CCDC38: variants seen among roughly 807,000 people sequenced by gnomAD.
CCDC38 encodes the protein coiled-coil domain-containing protein 38.
A neutral mutation model predicts 72.8 loss-of-function variants in CCDC38; 69 were observed. The ratio of observed to expected loss-of-function variants is 0.95; its 90% CI spans 0.78 to 1.16. The LOEUF (loss-of-function observed/expected upper bound fraction) is 1.16, where lower values mean the gene tolerates loss of function less well. Among genes scored for constraint, CCDC38 ranks in the 50% most tolerant of loss-of-function variants. The pLI, the probability that CCDC38 is intolerant of heterozygous loss-of-function variation, is 0.00. For missense variants in CCDC38, 626 were observed against 638.9 expected (o/e 0.98, Z 0.22); for synonymous variants, 201 against 213.2 (o/e 0.94, Z 0.50).
At chr12:95,869,317 A>G (rs1256094684) in intron 15 of CCDC38, among the ~76,000 whole-genome samples, 163 bp downstream of exon 15, 2 of 152,036 alleles carry the variant, frequency 1.3e-5, no homozygotes, top group African/African-American at 4.8e-5. Context: ...ACTAATTTGA[A>G]TTATTCTAAA....
intron 14 of CCDC38, among the ~76,000 whole-genome samples, chr12:95,870,414 AATG>A (rs2079568846): frequency 6.6e-6 from 1 of 152,348 alleles, no homozygotes; most frequent in African/African-American, 2.4e-5. Flanking sequence ...GGACCTATTT[AATG>A]ATATTCTAAG....
At chr12:95,916,419 T>TCC (rs58681467) in intron 4 of CCDC38, among the ~76,000 whole-genome samples, 69 of 149,186 alleles carry the variant, frequency 4.6e-4, no homozygotes, top group Admixed American at 8.0e-4. Context: ...CTTCCTTCCT[T>TCC]TTTTCCCTTC....
At chr12:95,869,804 T>C (rs2079560804) in intron 14 of CCDC38, 1 of 438,240 alleles carries the variant, frequency 2.3e-6, no homozygotes. Context: ...ATATAAAATA[T>C]ACCCAGATCT....
intron 2 of CCDC38, among the ~76,000 whole-genome samples, chr12:95,925,334 C>A (rs1289769063): frequency 6.6e-6 from 1 of 152,066 alleles, no homozygotes; most frequent in Non-Finnish European, 1.5e-5. Context: ...TGATTTGGTC[C>A]TCTGTTTGTC....
chr12:95,923,840 A>G (rs1355722757), intron 2 of CCDC38, among the ~76,000 whole-genome samples: 3 of 130,970 alleles, frequency 2.3e-5, no homozygotes, highest in Admixed American at 8.1e-5. Context: ...ATGATTTCCA[A>G]TTTCATCCAT....
chr12:95,920,986 G>A (rs1327820907), intron 2 of CCDC38, among the ~76,000 whole-genome samples: 2 of 151,938 alleles, frequency 1.3e-5, no homozygotes, highest in Non-Finnish European at 2.9e-5. Context: ...AAATTAGCCG[G>A]GTGTGGTGGT....
rs370671877 is a variant in CCDC38 at position 95,878,247 on chromosome 12, C to G, written c.1242G>C (p.Lys414Asn). Residue 414 changes from lysine to asparagine, a missense_variant, in exon 13 of 16, where the codon AAG becomes AAC. Transcript: ENST00000344280. ...AATTAAATTCTCCAAAGCTAAAGAG[C>G]TTGGACTTTAATTGCAATTCTGCTG... Reference protein sequence around the residue: ...EKAAELQLKSKLFSFGEFNSD... With the variant: ...EKAAELQLKSNLFSFGEFNSD... 1 of 1,613,414 alleles carries G rather than the reference C, an allele frequency of 6.2e-7. No individual in the cohort carries two copies. The highest frequency in any genetic ancestry group is 1.3e-5 in the African/African-American group (1 of 74,896).
At chr12:95,880,843 G>T (rs1249745792) in intron 11 of CCDC38, among the ~76,000 whole-genome samples, 1 of 152,086 alleles carries the variant, frequency 6.6e-6, no homozygotes, top group Non-Finnish European at 1.5e-5. Context: ...GCTATGGGAG[G>T]GAGAAAAGAG....
chr12:95,890,789 C>A (rs1267910501), intron 9 of CCDC38, 43 bp downstream of exon 9: 2 of 1,215,498 alleles, frequency 1.6e-6, no homozygotes, highest in Non-Finnish European at 1.2e-6. Context: ...GAGATGGACA[C>A]ATTCGCAGGT....
chr12:95,892,902 T>C (rs551483433), intron 8 of CCDC38, among the ~76,000 whole-genome samples: 1 of 152,242 alleles, frequency 6.6e-6, no homozygotes, highest in South Asian at 2.1e-4. Context: ...GTGGGACCCA[T>C]ATCTGGTCCG....
intron 10 of CCDC38, chr12:95,885,537 TG>T (rs886577579): frequency 1.8e-5 from 3 of 169,494 alleles, no homozygotes; most frequent in Admixed American, 6.3e-5. Context: ...AAAGAAATGA[TG>T]TTGCTATATT....
Position 95,895,025 on chromosome 12 carries a change from T to C in CCDC38, c.736A>G (p.Ser246Gly). Residue 246 changes from serine (S) to glycine (G), a missense_variant, in exon 8 of 16, where the codon AGT becomes GGT. By Grantham distance (56) the Ser-to-Gly change is moderately conservative. Coordinates refer to ENST00000344280, the MANE Select transcript of CCDC38 (RefSeq NM_182496.3). ...QALKRAQASK[S>G]KANIILPKIL... ...TTTGGAAGGATGATATTTGCTTTAC[T>C]TTTTGATGCCTGTGCTCTTTTTAGT... 5 of 1,610,158 alleles carry C rather than the reference T, an allele frequency of 3.1e-6. No homozygotes were observed. The highest frequency in any genetic ancestry group is 4.2e-6 in the Non-Finnish European group (5 of 1,178,804).
intron 4 of CCDC38, among the ~76,000 whole-genome samples, chr12:95,911,696 A>C (rs2080096283): frequency 6.6e-6 from 1 of 152,226 alleles, no homozygotes; most frequent in Non-Finnish European, 1.5e-5. Context: ...AATGGCTATT[A>C]TTAAAAAGTC....
At chr12:95,885,353 A>G (rs1217334354) in intron 10 of CCDC38, 4 of 156,368 alleles carry the variant, frequency 2.6e-5, no homozygotes, top group African/African-American at 4.8e-5. Flanking sequence ...AATAGTTTCA[A>G]TGTGTTCTGA....
intron 2 of CCDC38, among the ~76,000 whole-genome samples, chr12:95,922,926 G>A (rs188869251): frequency 8.5e-5 from 13 of 152,262 alleles, no homozygotes; most frequent in African/African-American, 3.1e-4. Flanking sequence ...GTTATTTCTG[G>A]TTGTGTCTGT....
chr12:95,905,581 T>A lies in CCDC38; in HGVS notation c.369+806A>T, dbSNP rs1011939982. Among the ~76,000 whole-genome samples the A allele has an allele frequency of 2.0e-5, 3 of 152,206 alleles. No homozygotes were observed. The East Asian group carries it at 5.8e-4, about 29-fold the overall frequency. ...TGGAAGTACTAACTAACTAAATTTA[T>A]GCCCCAAAATGTGTGATGTGAAATT... On this transcript the variant is annotated intron_variant, in intron 5 of 15. Coordinates refer to ENST00000344280, the MANE Select transcript of CCDC38 (RefSeq NM_182496.3).
chr12:95,879,982 G>T lies in CCDC38; in HGVS notation c.991-187C>A, dbSNP rs887158257. 2 of 439,192 alleles carry T rather than the reference G, an allele frequency of 4.6e-6. No homozygotes were observed. The highest frequency in any genetic ancestry group is 2.0e-5 in the African/African-American group (1 of 51,060). The allele number at this position is 439,192 out of a possible 1,614,324, so 27.2% of individuals were successfully genotyped here. On this transcript the variant is annotated intron_variant, in intron 11 of 15. Coordinates refer to ENST00000344280, the MANE Select transcript of CCDC38 (RefSeq NM_182496.3). This position sits in a 1 kb window ranked among gnomAD's most constrained non-coding sequence, Gnocchi z 5.5. ...GCTGGCTTTCAGAAAGAGCACATTT[G>T]CAGTGTTGTGGGGAGATGAGGGTAT...
intron 10 of CCDC38, among the ~76,000 whole-genome samples, chr12:95,887,598 G>A (rs549076784): frequency 6.2e-4 from 95 of 152,336 alleles, no homozygotes; most frequent in African/African-American, 2.0e-3. Flanking sequence ...CAGGGTTTAA[G>A]GGGAGGTGGG....
rs1206231087 is a variant in CCDC38, at chr12:95,867,316, CACAGTTAAAAGGG to C, written c.1579-140_1579-128del. On this transcript the variant is annotated intron_variant, in intron 15 of 15. Coordinates refer to ENST00000344280, the MANE Select transcript of CCDC38 (RefSeq NM_182496.3). The stretch of plus-strand genomic sequence containing the variant: ...AATATGGTTTGTAACATTAACTAAT[CACAGTTAAAAGGG>C]ACTTATAACCTAACGGATGTCTAAC... 7 of 639,352 alleles carry C rather than the reference CACAGTTAAAAGGG, an allele frequency of 1.1e-5. No homozygotes were observed. The Admixed American group carries it at 1.8e-4, about 16-fold the overall frequency. The allele number at this position is 639,352 out of a possible 1,614,324, so 39.6% of individuals were successfully genotyped here.
Sources: gnomAD v4.1 joint callset for allele counts (sites outside exome capture counted in the v4.1 genomes callset) on GRCh38, gnomAD v4.1.1 for gene constraint, Gnocchi (gnomAD v3.1) non-coding constraint, MANE v1.5 for transcripts, NCBI Gene and HGNC (gene_info 2026-07-23, HGNC 2026-07-21) for gene names.